Variants in SPAG16 observed in about 807,000 individuals in gnomAD.
SPAG16 encodes sperm associated antigen 16.
In SPAG16, 86 loss-of-function variants were observed where a neutral mutation model predicts 80.4. That is an observed-to-expected ratio of 1.07 (90% CI 0.90 to 1.28). The LOEUF (loss-of-function observed/expected upper bound fraction) is 1.28, where lower values mean the gene tolerates loss of function less well. Among genes scored for constraint, SPAG16 ranks in the 50% most tolerant of loss-of-function variants. SPAG16 has a pLI of 0.00. For missense variants in SPAG16, 870 were observed against 765.3 expected (o/e 1.14, Z -1.61); for synonymous variants, 294 against 265.9 (o/e 1.11, Z -1.03).
At chr2:214,053,305 A>G (rs916131216) in intron 13 of SPAG16, among the ~76,000 whole-genome samples, 1 of 151,132 alleles carries the variant, frequency 6.6e-6, no homozygotes, top group Non-Finnish European at 1.5e-5. Context: ...AACTAGAACA[A>G]AAAAAAATGA....
At chr2:213,645,731 C>T (rs1030062709) in intron 10 of SPAG16, among the ~76,000 whole-genome samples, 6 of 152,022 alleles carry the variant, frequency 3.9e-5, no homozygotes, top group African/African-American at 1.5e-4. Flanking sequence ...AGGGGTGATG[C>T]CAGCTCTCCC....
intron 12 of SPAG16, among the ~76,000 whole-genome samples, chr2:213,932,197 TATTTG>T (rs2078791126): frequency 1.6e-5 from 2 of 127,350 alleles, no homozygotes; most frequent in African/African-American, 6.3e-5. Context: ...TATATATATA[TATTTG>T]TTGTTGTTGT....
chr2:214,073,023 A>G (rs1344451359), intron 13 of SPAG16, among the ~76,000 whole-genome samples: 2 of 152,248 alleles, frequency 1.3e-5, no homozygotes, highest in East Asian at 3.9e-4. Context: ...GTGGTTCATT[A>G]TTCCTTTTAG....
intron 10 of SPAG16, among the ~76,000 whole-genome samples, chr2:213,759,397 C>G (rs1335099696): frequency 1.3e-5 from 2 of 151,450 alleles, no homozygotes; most frequent in African/African-American, 4.9e-5. Context: ...TTGTTTTGTA[C>G]ATAATTTAAG....
At chr2:213,886,056 T>TC (rs2106050912) in intron 11 of SPAG16, among the ~76,000 whole-genome samples, 1 of 152,284 alleles carries the variant, frequency 6.6e-6, no homozygotes, top group Admixed American at 6.5e-5. Flanking sequence ...GTGCTAATTT[T>TC]CTAAGTAGGG....
chr2:214,033,444 A>G (rs1175457045), intron 13 of SPAG16, among the ~76,000 whole-genome samples: 1 of 152,182 alleles, frequency 6.6e-6, no homozygotes, highest in Non-Finnish European at 1.5e-5. Context: ...CTTGCTGAGA[A>G]GAGACTGAGA....
chr2:213,368,674 T>G (rs1000256023), intron 8 of SPAG16, among the ~76,000 whole-genome samples: 4 of 152,198 alleles, frequency 2.6e-5, no homozygotes, highest in Non-Finnish European at 4.4e-5. Flanking sequence ...CCCCATCATC[T>G]CAGCCCAAAA....
At chr2:213,561,407 A>G in intron 10 of SPAG16, among the ~76,000 whole-genome samples, 1 of 152,334 alleles carries the variant, frequency 6.6e-6, no homozygotes, top group Non-Finnish European at 1.5e-5. Flanking sequence ...TACATTTAAA[A>G]TAACTAAGAG....
chr2:214,183,631 G>A (rs10490497), intron 15 of SPAG16, among the ~76,000 whole-genome samples: 16,375 of 152,014 alleles, frequency 0.11, 2,375 homozygotes, highest in African/African-American at 0.32. Context: ...GGCAAACCAT[G>A]ATGAAAGGGA....
chr2:213,617,485 G>A (rs1014650708), intron 10 of SPAG16, among the ~76,000 whole-genome samples: 6 of 152,140 alleles, frequency 3.9e-5, no homozygotes, highest in African/African-American at 1.4e-4. Context: ...GGGATTACAG[G>A]CGCCCACCAC....
intron 11 of SPAG16, among the ~76,000 whole-genome samples, chr2:213,887,393 T>C (rs1041631232): frequency 1.3e-5 from 2 of 152,042 alleles, no homozygotes; most frequent in Admixed American, 6.6e-5. Flanking sequence ...CTACTGGTTA[T>C]GTATTTCGTA....
At chr2:214,316,916 G>T (rs1441776563) in intron 15 of SPAG16, among the ~76,000 whole-genome samples, 1 of 152,058 alleles carries the variant, frequency 6.6e-6, no homozygotes, top group Non-Finnish European at 1.5e-5. Context: ...GCCTAATTTT[G>T]CCAGACCCTA....
intron 10 of SPAG16, among the ~76,000 whole-genome samples, chr2:213,837,538 A>G (rs773262342): frequency 6.6e-6 from 1 of 152,198 alleles, no homozygotes; most frequent in Non-Finnish European, 1.5e-5. Context: ...AAATGTTGCT[A>G]TTTTGCAACT....
At chr2:214,195,087 G>A (rs1415357187) in intron 15 of SPAG16, among the ~76,000 whole-genome samples, 1 of 151,974 alleles carries the variant, frequency 6.6e-6, no homozygotes, top group Admixed American at 6.6e-5. Flanking sequence ...CTACAGGGAT[G>A]GCCTCTTGAG....
At position 213,833,504 on chromosome 2, in the gene SPAG16, TTATA is replaced by T. The variant is rs1575287143; in HGVS notation, c.1071-28976_1071-28973del. 1.5e-3 allele frequency among the ~76,000 whole-genome samples: 2 copies of T among 1,376 alleles called. 1 individual carries two copies. The highest frequency in any genetic ancestry group is 0.091 in the East Asian group (2 of 22). 0.9% of individuals were successfully genotyped at this position (1,376 alleles called of 152,430 possible). ...ATATATATTATATATAATATATATATTATATATAATATATATAATATATATATTA... is the reference window on the plus strand; with the variant it reads ...ATATATATTATATATAATATATATATTATAATATATATAATATATATATTA... On this transcript the variant is annotated intron_variant, in intron 10 of 15. Transcript: ENST00000331683.
At chr2:213,315,506 A>G (rs902627574) in intron 4 of SPAG16, among the ~76,000 whole-genome samples, 5 of 151,862 alleles carry the variant, frequency 3.3e-5, no homozygotes, top group Admixed American at 2.6e-4. Flanking sequence ...GATGCACAAT[A>G]TCTCACATTT....
intron 10 of SPAG16, among the ~76,000 whole-genome samples, chr2:213,846,731 C>T (rs1194502064): frequency 6.6e-6 from 1 of 152,120 alleles, no homozygotes; most frequent in Admixed American, 6.5e-5. Flanking sequence ...TTGTTACTCA[C>T]TGCTAGACTG....
At chr2:213,347,731 C>T (rs555275933) in intron 6 of SPAG16, among the ~76,000 whole-genome samples, 1 of 152,210 alleles carries the variant, frequency 6.6e-6, no homozygotes, top group African/African-American at 2.4e-5. Flanking sequence ...TCTAGTTTGA[C>T]TGCACTGTGG....
intron 9 of SPAG16, among the ~76,000 whole-genome samples, chr2:213,410,502 G>A (rs1057237256): frequency 2.0e-5 from 3 of 152,182 alleles, no homozygotes; most frequent in Non-Finnish European, 4.4e-5. Flanking sequence ...TTATGCTGTA[G>A]TTGGTCCAAC....
Sources: gnomAD v4.1 joint callset for allele counts (sites outside exome capture counted in the v4.1 genomes callset) on GRCh38, gnomAD v4.1.1 for gene constraint, MANE v1.5 for transcripts, NCBI Gene and HGNC (gene_info 2026-07-23, HGNC 2026-07-21) for gene names.